The following UBR2 variants were observed in gnomAD, a reference collection of about 807,000 sequenced individuals.
The protein encoded by UBR2 is E3 ubiquitin-protein ligase UBR2.
Under a neutral mutation model 247.9 loss-of-function variants are expected in UBR2, and 92 were observed. The ratio of observed to expected loss-of-function variants is 0.37; its 90% CI spans 0.31 to 0.44. UBR2 has a LOEUF of 0.44. Among genes scored for constraint, UBR2 ranks in the 20% least tolerant of loss-of-function variants. The probability of loss-of-function intolerance (pLI) is 1.00; values close to 1 mark genes in which losing one functional copy is unlikely to be tolerated. For missense variants in UBR2, 1,613 were observed against 2,112.6 expected, an observed-to-expected ratio of 0.76 and a Z score of 4.64; for synonymous variants, 672 against 693.5, an observed-to-expected ratio of 0.97 and a Z score of 0.49.
At chr6:42,568,144 C>T (rs189243681) in intron 1 of UBR2, among the ~76,000 whole-genome samples, 4 of 152,070 alleles carry the variant, frequency 2.6e-5, no homozygotes, top group East Asian at 1.9e-4. Context: ...TTTTTTAAAC[C>T]GTTTTATTGA....
At chr6:42,593,907 A>G (rs1394881357) in intron 3 of UBR2, among the ~76,000 whole-genome samples, 1 of 152,184 alleles carries the variant, frequency 6.6e-6, no homozygotes, top group Non-Finnish European at 1.5e-5. Flanking sequence ...AAAACCCAGC[A>G]AGAAAACCCT....
intron 2 of UBR2, among the ~76,000 whole-genome samples, chr6:42,583,569 T>C (rs1176682847): frequency 6.6e-6 from 1 of 151,616 alleles, no homozygotes. Context: ...TTTCCCAGGC[T>C]GGAGTGCAGT....
rs142799397 is a variant in UBR2 at position 42,632,392 on chromosome 6, GTAAT to G, written c.1282-158_1282-155del. Among the ~76,000 whole-genome samples the G allele has an allele frequency of 4.9e-3, 742 of 152,162 alleles. 7 individuals carry two copies. The highest frequency in any genetic ancestry group is 0.017 in the African/African-American group (714 of 41,508). On this transcript the variant is annotated intron_variant, in intron 11 of 46. Transcript: ENST00000372901. Reference sequence around the variant, plus strand: ...TTCATACACATGGCAATTGGAGTAAGTAATTGTTATTTAGAAATACACAGTAATG... The same window carrying G: ...TTCATACACATGGCAATTGGAGTAAGTGTTATTTAGAAATACACAGTAATG...
intron 13 of UBR2, among the ~76,000 whole-genome samples, chr6:42,634,702 G>T (rs1000188941): frequency 1.3e-5 from 2 of 152,088 alleles, no homozygotes; most frequent in Non-Finnish European, 2.9e-5. Flanking sequence ...TGATCCACCC[G>T]CCTCGGCCTC....
chr6:42,644,396 T>A (rs901282907), intron 19 of UBR2, 60 bp downstream of exon 19: 48 of 1,604,670 alleles, frequency 3.0e-5, no homozygotes, highest in Middle Eastern at 1.7e-4. Flanking sequence ...TCCTTCTTTT[T>A]GGATATGTTA....
chr6:42,634,741 C>A (rs778888216), intron 13 of UBR2, among the ~76,000 whole-genome samples: 2 of 152,240 alleles, frequency 1.3e-5, no homozygotes, highest in African/African-American at 2.4e-5. Flanking sequence ...AGGCGTGGGC[C>A]ACCATGTCTG....
Position 42,674,187 on chromosome 6 carries a change from T to C in UBR2, c.4245T>C (p.His1415=), listed in dbSNP as rs140224621. 5,027 of 1,613,584 alleles carry C rather than the reference T, an allele frequency of 3.1e-3. 23 individuals are homozygous for C. The highest frequency in any genetic ancestry group is 4.0e-3 in the Non-Finnish European group (4,694 of 1,179,854). The part of the protein sequence containing the change: ...LPCILDIDMF[H]LLVGLVLAFP... ...GCATATTAGATATTGACATGTTTCA[T>C]TTATTGGTGGGTATTGTGCAGTTTG... Residue 1415 remains histidine (H), a synonymous_variant, in exon 38 of 47, where the codon CAT becomes CAC. Transcript: ENST00000372901.
chr6:42,674,881 A>G (rs1483466040), intron 38 of UBR2, among the ~76,000 whole-genome samples: 1 of 152,052 alleles, frequency 6.6e-6, no homozygotes, highest in Non-Finnish European at 1.5e-5. Context: ...AGCCCCTTAT[A>G]ATTCAGGGAA....
rs189769442 is a variant in UBR2 at position 42,637,101 on chromosome 6, C to G, written c.1765C>G (p.Leu589Val). The G allele has an allele frequency of 2.5e-6, 4 of 1,614,124 alleles. No individual in the cohort carries two copies. In the Admixed American group the frequency reaches 6.7e-5, roughly 27 times the overall value. Reference protein sequence around the residue: ...GYTDGEQPITLSICGHSVETI... With the variant: ...GYTDGEQPITVSICGHSVETI... ...TACTGATGGTGAACAGCCAATCACA[C>G]TAAGCATTTGTGGACATTCAGTGGA... is the stretch of plus-strand genomic sequence containing the variant. The change falls in exon 15 of 47, where the codon CTA becomes GTA. Residue 589 changes from leucine to valine, a missense_variant. Physicochemically the swap from Leu to Val is conservative, Grantham distance 32. Coordinates refer to ENST00000372901, the MANE Select transcript of UBR2 (RefSeq NM_001363705.2).
intron 43 of UBR2, among the ~76,000 whole-genome samples, chr6:42,684,115 C>CT (rs1437790028): frequency 7.9e-5 from 12 of 152,272 alleles, no homozygotes; most frequent in Admixed American, 4.6e-4. Flanking sequence ...TCAGAAAACT[C>CT]TTAATAAATG....
At chr6:42,632,448 A>G in intron 11 of UBR2, 104 bp from the exon 12 acceptor site, 1 of 1,043,378 alleles carries the variant, frequency 9.6e-7, no homozygotes, top group Non-Finnish European at 1.3e-6. Context: ...TTGTGTTGAA[A>G]AAGGTTTAAA....
chr6:42,564,881 G>C (rs1431003707), intron 1 of UBR2, among the ~76,000 whole-genome samples: 1 of 152,142 alleles, frequency 6.6e-6, no homozygotes, highest in African/African-American at 2.4e-5. Flanking sequence ...GACTGCCCCA[G>C]GCACCAAGAA....
In UBR2 at chr6:42,691,201, T is replaced by A; in HGVS notation, c.*28T>A. 6.2e-7 allele frequency: 1 copy of A among 1,605,788 alleles called. No individual in the cohort carries two copies. Among genetic ancestry groups the A allele is most frequent in the South Asian group, 1.1e-5 (1 of 88,682 alleles). ...ATTGCACCACCAAAAAACACAAACTTGGATTTTTTTAACCCAGTTGGCTTT... is the reference window on the plus strand; with the variant it reads ...ATTGCACCACCAAAAAACACAAACTAGGATTTTTTTAACCCAGTTGGCTTT... On this transcript the variant is annotated 3_prime_UTR_variant, in exon 47 of 47. Coordinates refer to ENST00000372901, the MANE Select transcript of UBR2 (RefSeq NM_001363705.2).
intron 8 of UBR2, among the ~76,000 whole-genome samples, chr6:42,614,415 C>CGTACATACATAAGTATATATGTAT (rs1554250447): frequency 1.1e-5 from 1 of 89,218 alleles, no homozygotes; most frequent in African/African-American, 4.8e-5. Context: ...TATGTATGTA[C>CGTACATACATAAGTATATATGTAT]GTACGTACAT....
At chr6:42,582,901 T>C (rs558618408) in intron 2 of UBR2, among the ~76,000 whole-genome samples, 23 of 152,286 alleles carry the variant, frequency 1.5e-4, no homozygotes, top group African/African-American at 5.3e-4. Context: ...ATCATTATAG[T>C]TTAAATTTTC....
chr6:42,635,333 A>C (rs990889741), intron 13 of UBR2, 85 bp from the exon 14 acceptor site: 1 of 1,343,334 alleles, frequency 7.4e-7, no homozygotes, highest in African/African-American at 1.5e-5. Context: ...ATCAATATAT[A>C]TTTCTCCTAC....
chr6:42,586,102 C>T (rs1425532724), intron 2 of UBR2, among the ~76,000 whole-genome samples: 14 of 151,994 alleles, frequency 9.2e-5, no homozygotes, highest in Admixed American at 7.9e-4. Context: ...AGGTGGCTCA[C>T]GCTTGTAATC....
chr6:42,632,952 T>A, intron 13 of UBR2, 48 bp downstream of exon 13: 2 of 1,088,830 alleles, frequency 1.8e-6, no homozygotes, highest in Non-Finnish European at 1.2e-6. Context: ...TTTTTTTCTC[T>A]TTTCTCTTTT....
At chr6:42,611,917 A>AG (rs1794117306) in intron 7 of UBR2, among the ~76,000 whole-genome samples, 1 of 145,832 alleles carries the variant, frequency 6.9e-6, no homozygotes, top group Admixed American at 6.6e-5. Flanking sequence ...AAAAAAAGAA[A>AG]AAAAAAAAAA....
Sources: gnomAD v4.1 joint callset for allele counts (sites outside exome capture counted in the v4.1 genomes callset) on GRCh38, gnomAD v4.1.1 for gene constraint, MANE v1.5 for transcripts, NCBI Gene and HGNC (gene_info 2026-07-23, HGNC 2026-07-21) for gene names.